B3GALT9: variants seen among roughly 807,000 people sequenced by gnomAD.
B3GALT9 encodes beta-1,3-galactosyltransferase 9.
rs114827642 is a variant in B3GALT9 at position 120,793,561 on chromosome 9, C to T, written c.-543C>T. 1,987 of 400,034 alleles carry T rather than the reference C, an allele frequency of 5.0e-3. 27 individuals are homozygous for T. The highest frequency in any genetic ancestry group is 0.037 in the African/African-American group (1,808 of 48,724). The allele number at this position is 400,034 out of a possible 1,614,324, so 24.8% of individuals were successfully genotyped here. A position where few individuals can be genotyped will look rare whatever the true frequency, so the allele number is the denominator to read the frequency against. On this transcript the variant is annotated 5_prime_UTR_variant, in exon 1 of 3. Coordinates refer to ENST00000689072, the MANE Select transcript of B3GALT9 (RefSeq NM_001386823.1). ...GCGTCCCGGGAAGCTGAACGCGTGCCGCGCGGCCCTCACGGTGCTTAGGCT... is the reference window on the plus strand; with the variant it reads ...GCGTCCCGGGAAGCTGAACGCGTGCTGCGCGGCCCTCACGGTGCTTAGGCT...
intron 1 of B3GALT9, among the ~76,000 whole-genome samples, chr9:120,794,744 C>T (rs776878918): frequency 6.6e-6 from 1 of 152,138 alleles, no homozygotes; most frequent in Non-Finnish European, 1.5e-5. Context: ...TCACATACAT[C>T]TTATACCAAC....
In B3GALT9 at chr9:120,800,642, C is replaced by T. The variant is rs151063515; in HGVS notation, c.*964C>T. ...AATTATGTATATTTATGTTGTACAA[C>T]ATGTTTTGATATATGTATATGTTAT... On this transcript the variant is annotated 3_prime_UTR_variant, in exon 3 of 3. Coordinates refer to ENST00000689072, the MANE Select transcript of B3GALT9 (RefSeq NM_001386823.1). Among the ~76,000 whole-genome samples, 1,586 of 152,002 alleles carry T rather than the reference C, an allele frequency of 0.01. 22 individuals carry two copies. The highest frequency in any genetic ancestry group is 0.036 in the African/African-American group (1,492 of 41,436).
At chr9:120,798,124 G>C (rs978717842) in intron 2 of B3GALT9, among the ~76,000 whole-genome samples, 2 of 152,200 alleles carry the variant, frequency 1.3e-5, no homozygotes, top group African/African-American at 4.8e-5. Context: ...CCTGACTTTT[G>C]TAATTAGAGA....
rs145115935 is a variant in B3GALT9, at chr9:120,801,184, T to C, written c.*1506T>C. ...GCATTGAATGTGGGGAGTGCAGATA[T>C]CTCTTTAACATACTGATTTAATATC... On this transcript the variant is annotated 3_prime_UTR_variant, in exon 3 of 3. Transcript: ENST00000689072. 2.5e-3 allele frequency among the ~76,000 whole-genome samples: 381 copies of C among 152,334 alleles called. No individual in the cohort carries two copies. Among genetic ancestry groups the C allele is most frequent in the African/African-American group, 8.8e-3 (366 of 41,576 alleles).
At chr9:120,797,572 A>G (rs749326490) in intron 2 of B3GALT9, among the ~76,000 whole-genome samples, 3 of 151,964 alleles carry the variant, frequency 2.0e-5, no homozygotes, top group South Asian at 4.2e-4. Flanking sequence ...CCCTATCCCA[A>G]CCTCTTACCC....
chr9:120,799,909 C>A lies in B3GALT9; in HGVS notation c.*231C>A. The A allele has an allele frequency of 3.0e-6, 1 of 338,840 alleles. No individual in the cohort carries two copies. The highest frequency in any genetic ancestry group is 5.3e-6 in the Non-Finnish European group (1 of 190,014). 21.0% of individuals were successfully genotyped at this position (338,840 alleles called of 1,614,324 possible). A position where few individuals can be genotyped will look rare whatever the true frequency, so the allele number is the denominator to read the frequency against. Reference sequence around the variant, plus strand: ...TCTTTTCAAAATGAAATATTTCTCTCAAAAGAGAGAACATTATGTTTCATT... The same window carrying A: ...TCTTTTCAAAATGAAATATTTCTCTAAAAAGAGAGAACATTATGTTTCATT... On this transcript the variant is annotated 3_prime_UTR_variant, in exon 3 of 3. Coordinates refer to ENST00000689072, the MANE Select transcript of B3GALT9 (RefSeq NM_001386823.1).
In B3GALT9 at chr9:120,799,950, GTT is replaced by G. The variant is rs5900461; in HGVS notation, c.*283_*284del. On this transcript the variant is annotated 3_prime_UTR_variant, in exon 3 of 3. Transcript: ENST00000689072. Reference sequence around the variant, plus strand: ...ATGTTTCATTGTTTATTTAGTTTTCGTTTTTTTTTTTTCTTTTGAGACAGGGT... The same window carrying G: ...ATGTTTCATTGTTTATTTAGTTTTCGTTTTTTTTTTCTTTTGAGACAGGGT... The G allele has an allele frequency of 2.3e-5, 4 of 170,600 alleles. No individual in the cohort carries two copies. Among genetic ancestry groups the G allele is most frequent in the East Asian group, 1.5e-4 (1 of 6,694 alleles). 10.6% of individuals were successfully genotyped at this position (170,600 alleles called of 1,614,324 possible).
At position 120,799,304 on chromosome 9, in the gene B3GALT9, G is replaced by A; in HGVS notation, c.736G>A (p.Ala246Thr). Residue 246 changes from alanine (A) to threonine (T), a missense_variant, in exon 3 of 3, where the codon GCC (alanine) becomes ACC (threonine). Transcript: ENST00000689072. Reference sequence around the variant, plus strand: ...CTACCCAGATTACTGCAGTGGTGAGGCCTTTATAATGTCCCAAGATGTGGC... The same window carrying A: ...CTACCCAGATTACTGCAGTGGTGAGACCTTTATAATGTCCCAAGATGTGGC... ...KYYPDYCSGEAFIMSQDVARM... is the reference protein window; with the variant it reads ...KYYPDYCSGETFIMSQDVARM... The A allele has an allele frequency of 7.5e-6, 3 of 399,544 alleles. No homozygotes were observed. 24.7% of individuals were successfully genotyped at this position (399,544 alleles called of 1,614,324 possible).
intron 1 of B3GALT9, among the ~76,000 whole-genome samples, chr9:120,795,953 G>A (rs974634258): frequency 6.6e-6 from 1 of 152,164 alleles, no homozygotes; most frequent in Non-Finnish European, 1.5e-5. Flanking sequence ...ACTTGCCTGG[G>A]GAGGTAGTTT....
chr9:120,795,616 A>G (rs1272615032), intron 1 of B3GALT9, among the ~76,000 whole-genome samples: 1 of 152,218 alleles, frequency 6.6e-6, no homozygotes, highest in Non-Finnish European at 1.5e-5. Context: ...AAACATAGCC[A>G]ACTTTAAATA....
chr9:120,798,244 T>C (rs1239048165), intron 2 of B3GALT9, among the ~76,000 whole-genome samples: 1 of 152,232 alleles, frequency 6.6e-6, no homozygotes, highest in Non-Finnish European at 1.5e-5. Context: ...CTGTGTCCAA[T>C]TCTTCTTGGT....
chr9:120,793,541 C>T lies in B3GALT9; in HGVS notation c.-563C>T, dbSNP rs971009272. ...GAGTAGGGGTGGGGAGAAGAGCGTC[C>T]CGGGAAGCTGAACGCGTGCCGCGCG... On this transcript the variant is annotated 5_prime_UTR_variant, in exon 1 of 3. Transcript: ENST00000689072. 2.5e-6 allele frequency: 1 copy of T among 399,278 alleles called. No homozygotes were observed. The highest frequency in any genetic ancestry group is 2.1e-5 in the African/African-American group (1 of 48,476). 24.7% of individuals were successfully genotyped at this position (399,278 alleles called of 1,614,324 possible).
chr9:120,795,837 G>A (rs1011806737), intron 1 of B3GALT9, among the ~76,000 whole-genome samples: 16 of 152,196 alleles, frequency 1.1e-4, no homozygotes, highest in African/African-American at 3.9e-4. Flanking sequence ...TGATGTTTGG[G>A]ATAATTCCTA....
At chr9:120,798,101 T>C (rs1405059824) in intron 2 of B3GALT9, among the ~76,000 whole-genome samples, 2 of 152,206 alleles carry the variant, frequency 1.3e-5, no homozygotes, top group Admixed American at 6.5e-5. Flanking sequence ...AGCCACTTCA[T>C]GGAAAAATAG....
At chr9:120,797,650 CAT>C (rs1313919902) in intron 2 of B3GALT9, among the ~76,000 whole-genome samples, 2 of 152,126 alleles carry the variant, frequency 1.3e-5, no homozygotes, top group African/African-American at 4.8e-5. Flanking sequence ...ACGAAAATAA[CAT>C]ATCTGAAAGG....
chr9:120,796,135 G>T (rs1431095627), intron 1 of B3GALT9, among the ~76,000 whole-genome samples: 1 of 152,160 alleles, frequency 6.6e-6, no homozygotes, highest in Non-Finnish European at 1.5e-5. Flanking sequence ...GTTTTTGCAT[G>T]TGTATGTACC....
At chr9:120,798,526 C>G in intron 2 of B3GALT9, 49 bp from the exon 3 acceptor site, 1 of 399,432 alleles carries the variant, frequency 2.5e-6, no homozygotes, top group Non-Finnish European at 4.4e-6. Flanking sequence ...AGGGCAAAAA[C>G]AGGAATAGAG....
chr9:120,795,496 A>G (rs1382965076), intron 1 of B3GALT9, among the ~76,000 whole-genome samples: 1 of 152,254 alleles, frequency 6.6e-6, no homozygotes, highest in East Asian at 1.9e-4. Flanking sequence ...TACAAGACCT[A>G]TTGAATTGTT....
At position 120,799,687 on chromosome 9, in the gene B3GALT9, T is replaced by A. The variant is rs1218223640; in HGVS notation, c.*9T>A. The A allele has an allele frequency of 7.5e-6, 3 of 398,772 alleles. No homozygotes were observed. The East Asian group carries it at 1.1e-4, about 14-fold the overall frequency. 24.7% of individuals were successfully genotyped at this position (398,772 alleles called of 1,614,324 possible). ...TGTATTTTGCTGATTAGGATTTCTT[T>A]AATTTTCCTTATGAGTCTACTATTT... is the stretch of plus-strand genomic sequence containing the variant. On this transcript the variant is annotated 3_prime_UTR_variant, in exon 3 of 3. Transcript: ENST00000689072.
Sources: gnomAD v4.1 joint callset for allele counts (sites outside exome capture counted in the v4.1 genomes callset) on GRCh38, gnomAD v4.1.1 for gene constraint, MANE v1.5 for transcripts, NCBI Gene and HGNC (gene_info 2026-07-23, HGNC 2026-07-21) for gene names.